ARHGEF10: variants seen among roughly 807,000 people sequenced by gnomAD.
ARHGEF10 encodes Rho guanine nucleotide exchange factor (GEF) 10.
Under a neutral mutation model 147.4 loss-of-function variants are expected in ARHGEF10, and 140 were observed. The ratio of observed to expected loss-of-function variants is 0.95; its 90% CI spans 0.83 to 1.09. The LOEUF (loss-of-function observed/expected upper bound fraction) is 1.09. ARHGEF10 is among the 50% of genes least tolerant of loss of function. ARHGEF10 has a pLI of 0.00. For synonymous variants in ARHGEF10, 902 were observed against 695.8 expected (o/e 1.30, Z -4.67); for missense variants, 2,222 against 1,752.7 (o/e 1.27, Z -4.78).
chr8:1,862,632 C>G (rs1174081681), intron 4 of ARHGEF10, among the ~76,000 whole-genome samples: 1 of 152,214 alleles, frequency 6.6e-6, no homozygotes. Flanking sequence ...GGAGTCTGTG[C>G]TCCTGGACAC....
At chr8:1,853,253 C>T (rs967958429) in intron 2 of ARHGEF10, among the ~76,000 whole-genome samples, 5 of 152,278 alleles carry the variant, frequency 3.3e-5, no homozygotes, top group Admixed American at 1.3e-4. Flanking sequence ...CTGCCCAGGC[C>T]GCCCTTCCCT....
At chr8:1,832,804 G>GAGA (rs1803261522) in intron 1 of ARHGEF10, among the ~76,000 whole-genome samples, 1 of 19,364 alleles carries the variant, frequency 5.2e-5, no homozygotes, top group Non-Finnish European at 9.3e-5. Flanking sequence ...AGAGGCAGAG[G>GAGA]CAGAGACAGA....
intron 6 of ARHGEF10, among the ~76,000 whole-genome samples, chr8:1,868,950 A>G (rs1345070923): frequency 7.9e-5 from 12 of 152,192 alleles, no homozygotes; most frequent in Non-Finnish European, 1.0e-4. Context: ...CTTCATTCCC[A>G]ATAAATTATT....
chr8:1,889,282 A>AG (rs1335037676), intron 11 of ARHGEF10, among the ~76,000 whole-genome samples: 5 of 68,772 alleles, frequency 7.3e-5, no homozygotes, highest in African/African-American at 2.4e-4. Flanking sequence ...GAATGTGGTG[A>AG]GGGTTTGTGA....
chr8:1,856,303 G>C (rs1188059007), intron 2 of ARHGEF10, among the ~76,000 whole-genome samples: 1 of 152,220 alleles, frequency 6.6e-6, no homozygotes. Flanking sequence ...GGTGGAAGCA[G>C]TTCCAGAAAG....
intron 9 of ARHGEF10, among the ~76,000 whole-genome samples, 177 bp from the exon 10 acceptor site, chr8:1,882,458 C>T (rs1295906990): frequency 1.3e-5 from 2 of 152,184 alleles, no homozygotes; most frequent in Non-Finnish European, 2.9e-5. Flanking sequence ...TTTTTAAGGT[C>T]TGTTTTTTCC....
At chr8:1,889,455 GT>G (rs1223428551) in intron 11 of ARHGEF10, among the ~76,000 whole-genome samples, 1 of 75,154 alleles carries the variant, frequency 1.3e-5, no homozygotes, top group Non-Finnish European at 2.5e-5. Flanking sequence ...ACTGAGTGGG[GT>G]GAGGGGTCTG....
At chr8:1,867,207 G>A (rs555884796) in intron 6 of ARHGEF10, among the ~76,000 whole-genome samples, 7 of 152,168 alleles carry the variant, frequency 4.6e-5, no homozygotes, top group Non-Finnish European at 8.8e-5. Flanking sequence ...GTTCTGTAGC[G>A]TATTTTTCCA....
chr8:1,925,517 C>G (rs752407742), intron 22 of ARHGEF10, 113 bp downstream of exon 22: 3 of 1,436,744 alleles, frequency 2.1e-6, no homozygotes, highest in Non-Finnish European at 2.8e-6. Flanking sequence ...CTCCCAGGTT[C>G]ACCACAGTGA....
At chr8:1,901,250 T>C (rs1189924938) in intron 15 of ARHGEF10, among the ~76,000 whole-genome samples, 1 of 152,000 alleles carries the variant, frequency 6.6e-6, no homozygotes, top group Non-Finnish European at 1.5e-5. Context: ...GTGTGCTGAG[T>C]GTAGGTGGAT....
In ARHGEF10 at chr8:1,841,122, C is replaced by T. The variant is rs183517577; in HGVS notation, c.-47-2231C>T. On this transcript the variant is annotated intron_variant, in intron 1 of 28. Transcript: ENST00000349830. ...CACCCGCCCTCAGCTGTAGCCTTCG[C>T]GTCAGCCAGCTGCCCTCTGCTGTAG... is the stretch of plus-strand genomic sequence containing the variant. Among the ~76,000 whole-genome samples the T allele has an allele frequency of 6.9e-3, 1,057 of 152,362 alleles. 10 individuals carry two copies. The highest frequency in any genetic ancestry group is 0.024 in the African/African-American group (990 of 41,580).
rs1035614605 is a variant in ARHGEF10, at chr8:1,937,281, C to A, written c.3222+3339C>A. On this transcript the variant is annotated intron_variant, in intron 26 of 28. Transcript: ENST00000349830. The surrounding 1 kb of genome is among the most constrained non-coding windows in gnomAD (Gnocchi z 4.9). ...TAGCTAGTGCGGCCATGCAGGGTAG[C>A]CCCGTGGATGCGGTCACAGCTTCTT... is the stretch of plus-strand genomic sequence containing the variant. Among the ~76,000 whole-genome samples, 2 of 152,176 alleles carry A rather than the reference C, an allele frequency of 1.3e-5. No individual in the cohort carries two copies. Among genetic ancestry groups the A allele is most frequent in the Non-Finnish European group, 2.9e-5 (2 of 68,038 alleles).
chr8:1,851,221 C>A (rs998654240), intron 2 of ARHGEF10, among the ~76,000 whole-genome samples: 3 of 144,228 alleles, frequency 2.1e-5, no homozygotes, highest in Non-Finnish European at 4.6e-5. Flanking sequence ...CTGTCCAAAC[C>A]CATAGAAGGC....
intron 2 of ARHGEF10, among the ~76,000 whole-genome samples, chr8:1,854,792 A>G (rs184410894): frequency 5.0e-4 from 76 of 152,338 alleles, no homozygotes; most frequent in Admixed American, 5.0e-3. Context: ...ATTCGCTCAC[A>G]TGATGTGCGT....
chr8:1,866,974 A>G (rs938886793), intron 6 of ARHGEF10, among the ~76,000 whole-genome samples: 2 of 150,594 alleles, frequency 1.3e-5, no homozygotes, highest in Non-Finnish European at 2.9e-5. Flanking sequence ...AGGGAGATGC[A>G]GTGTCTGGCA....
chr8:1,860,672 C>T (rs769243759), intron 4 of ARHGEF10, among the ~76,000 whole-genome samples: 4 of 152,136 alleles, frequency 2.6e-5, no homozygotes, highest in African/African-American at 4.8e-5. Flanking sequence ...AATGTGTTGC[C>T]CCCTCATGTC....
rs1220815573 is a variant in ARHGEF10, at chr8:1,952,700, C to T, written c.3398-5C>T. ...ACCCGAAGCCACTCATGTCTTTCCG[C>T]CCAGGGCACCAGCGGCTGTCGGTGA... On this transcript the variant is annotated splice_polypyrimidine_tract_variant and splice_region_variant and intron_variant, in intron 27 of 28. Coordinates refer to ENST00000349830, the MANE Select transcript of ARHGEF10 (RefSeq NM_014629.4). 2 of 1,613,400 alleles carry T rather than the reference C, an allele frequency of 1.2e-6. No homozygotes were observed. Among genetic ancestry groups the T allele is most frequent in the Non-Finnish European group, 1.7e-6 (2 of 1,180,034 alleles).
intron 28 of ARHGEF10, among the ~76,000 whole-genome samples, chr8:1,954,354 A>G (rs1165959949): frequency 6.6e-6 from 1 of 152,164 alleles, no homozygotes; most frequent in African/African-American, 2.4e-5. Context: ...TTGGCCTCAG[A>G]TGCTCCAAAT....
chr8:1,945,982 G>A (rs981806398), intron 27 of ARHGEF10: 7 of 478,410 alleles, frequency 1.5e-5, no homozygotes, highest in Non-Finnish European at 2.7e-5. Context: ...GTGCAACAAG[G>A]CCCTGGGGAA....
Sources: allele counts gnomAD v4.1 joint callset (sites outside exome capture counted in the v4.1 genomes callset), GRCh38; gene constraint gnomAD v4.1.1; non-coding constraint Gnocchi (gnomAD v3.1); transcripts MANE v1.5; gene names NCBI Gene and HGNC (gene_info 2026-07-23, HGNC 2026-07-21).